IQCM: variants seen among roughly 807,000 people sequenced by gnomAD.
The protein encoded by IQCM is IQ motif containing M.
A neutral mutation model predicts 57.6 loss-of-function variants in IQCM; 45 were observed. The ratio of observed to expected loss-of-function variants is 0.78; its 90% CI spans 0.62 to 1.00. IQCM has a LOEUF of 1.00. Ranked by LOEUF, IQCM falls within the 50% of genes least tolerant of loss-of-function variation. The pLI is 0.00. For missense variants in IQCM, 468 were observed against 511.6 expected, an observed-to-expected ratio of 0.91 and a Z score of 0.82; for synonymous variants, 148 against 158.9, an observed-to-expected ratio of 0.93 and a Z score of 0.51.
chr4:149,526,452 A>G (rs1746170968), intron 12 of IQCM, among the ~76,000 whole-genome samples: 1 of 152,046 alleles, frequency 6.6e-6, no homozygotes. Context: ...ACAAAAATAT[A>G]TTATTTATAT....
intron 12 of IQCM, among the ~76,000 whole-genome samples, chr4:149,508,428 C>T (rs1161979527): frequency 1.3e-5 from 2 of 152,166 alleles, no homozygotes; most frequent in African/African-American, 4.8e-5. Context: ...ACCATGGGAA[C>T]CCACCTCTTG....
chr4:149,406,015 G>A (rs10461252), intron 13 of IQCM, among the ~76,000 whole-genome samples: 72,962 of 150,652 alleles, frequency 0.48, 17,972 homozygotes, highest in African/African-American at 0.56. Flanking sequence ...CCACAGATAT[G>A]CTGTTCTTAT....
intron 2 of IQCM, among the ~76,000 whole-genome samples, chr4:149,815,094 A>G (rs1774927667): frequency 6.6e-6 from 1 of 151,990 alleles, no homozygotes; most frequent in Admixed American, 6.6e-5. Flanking sequence ...ATAACAGCTC[A>G]GTATTAACAT....
At chr4:149,562,022 T>A (rs1169954918) in intron 10 of IQCM, among the ~76,000 whole-genome samples, 1 of 152,128 alleles carries the variant, frequency 6.6e-6, no homozygotes, top group Non-Finnish European at 1.5e-5. Context: ...ACAATCAAGA[T>A]TTGCAGTTTG....
chr4:149,559,618 T>C (rs1333629852), intron 10 of IQCM, among the ~76,000 whole-genome samples: 1 of 152,204 alleles, frequency 6.6e-6, no homozygotes, highest in Non-Finnish European at 1.5e-5. Flanking sequence ...CATTGCTCAC[T>C]AGACTATGTA....
intron 6 of IQCM, among the ~76,000 whole-genome samples, chr4:149,683,790 C>A (rs560059662): frequency 6.6e-6 from 1 of 151,396 alleles, no homozygotes; most frequent in East Asian, 1.9e-4. Flanking sequence ...ACCATTCAAC[C>A]ACTGAAGCAA....
intron 9 of IQCM, among the ~76,000 whole-genome samples, chr4:149,581,776 T>C (rs1044081172): frequency 2.6e-5 from 4 of 151,686 alleles, no homozygotes; most frequent in Non-Finnish European, 5.9e-5. Context: ...ACAGTGAGCA[T>C]CTGTTTCTTT....
Position 149,464,808 on chromosome 4 carries a change from T to C in IQCM, c.1229-31251A>G, listed in dbSNP as rs573928823. ...TGGTGCCTCTCAGGTACGTAAAATA[T>C]GGCTAATGTGACTAAAGGAATTAAA... is the stretch of plus-strand genomic sequence containing the variant. On this transcript the variant is annotated intron_variant, in intron 12 of 13. Transcript: ENST00000636793. Among the ~76,000 whole-genome samples, 44 of 152,278 alleles carry C rather than the reference T, an allele frequency of 2.9e-4. No individual in the cohort carries two copies. The Middle Eastern group carries it at 0.014, about 47-fold the overall frequency.
chr4:149,437,448 G>C (rs1579053855), intron 12 of IQCM, among the ~76,000 whole-genome samples: 1 of 152,026 alleles, frequency 6.6e-6, no homozygotes, highest in African/African-American at 2.4e-5. Flanking sequence ...ATAATGGCTA[G>C]TATAAAATCC....
chr4:149,415,397 A>G (rs1347478301), intron 13 of IQCM, among the ~76,000 whole-genome samples: 1 of 152,184 alleles, frequency 6.6e-6, no homozygotes, highest in Non-Finnish European at 1.5e-5. Context: ...AAAAGAAAGT[A>G]TCTATGTATT....
intron 2 of IQCM, among the ~76,000 whole-genome samples, chr4:149,796,216 C>T (rs1773100359): frequency 6.6e-6 from 1 of 152,160 alleles, no homozygotes; most frequent in South Asian, 2.1e-4. Context: ...CAGGCAGCAT[C>T]ACCACAAGCT....
At chr4:149,397,246 G>A (rs569798178) in intron 13 of IQCM, among the ~76,000 whole-genome samples, 169 of 151,974 alleles carry the variant, frequency 1.1e-3, no homozygotes, top group African/African-American at 3.9e-3. Flanking sequence ...ATATTGACAG[G>A]AGTGAGGTGA....
At chr4:149,420,471 T>A (rs1220656315) in intron 13 of IQCM, among the ~76,000 whole-genome samples, 1 of 151,814 alleles carries the variant, frequency 6.6e-6, no homozygotes, top group African/African-American at 2.4e-5. Context: ...CACTGAGGCC[T>A]GCTGGGAGGT....
At chr4:149,614,309 G>A (rs1037635504) in intron 8 of IQCM, among the ~76,000 whole-genome samples, 7 of 152,276 alleles carry the variant, frequency 4.6e-5, no homozygotes, top group South Asian at 4.1e-4. Flanking sequence ...GCTATAAAGC[G>A]ATTGAATGGC....
intron 2 of IQCM, among the ~76,000 whole-genome samples, chr4:149,770,126 TA>T (rs922878522): frequency 3.4e-5 from 5 of 147,212 alleles, no homozygotes; most frequent in Non-Finnish European, 7.7e-5. Flanking sequence ...GAAGACACAA[TA>T]AAAAAAGGGG....
chr4:149,481,914 C>T (rs908470395), intron 12 of IQCM, among the ~76,000 whole-genome samples: 23 of 23,434 alleles, frequency 9.8e-4, no homozygotes, highest in African/African-American at 4.0e-3. Context: ...CATGGAGTAT[C>T]TTTCCTTTTT....
At chr4:149,635,771 G>C in intron 7 of IQCM, among the ~76,000 whole-genome samples, 1 of 152,082 alleles carries the variant, frequency 6.6e-6, no homozygotes, top group Non-Finnish European at 1.5e-5. Flanking sequence ...TTGATAATCT[G>C]ATGAGATTCT....
intron 13 of IQCM, among the ~76,000 whole-genome samples, chr4:149,353,722 G>GA (rs889682364): frequency 3.9e-5 from 6 of 152,016 alleles, no homozygotes; most frequent in African/African-American, 1.4e-4. Flanking sequence ...TGTGGAATCT[G>GA]AAAAAAAGAG....
chr4:149,395,333 A>G (rs575322127), intron 13 of IQCM, among the ~76,000 whole-genome samples: 4 of 152,028 alleles, frequency 2.6e-5, no homozygotes, highest in Non-Finnish European at 5.9e-5. Context: ...TTTACATGGT[A>G]GAGATTTACT....
Sources: gnomAD v4.1 joint callset for allele counts (sites outside exome capture counted in the v4.1 genomes callset) on GRCh38, gnomAD v4.1.1 for gene constraint, MANE v1.5 for transcripts, NCBI Gene and HGNC (gene_info 2026-07-23, HGNC 2026-07-21) for gene names.